LRRC53: variants seen among roughly 807,000 people sequenced by gnomAD.
The protein encoded by LRRC53 is leucine-rich repeat-containing protein 53.
A neutral mutation model predicts 13.6 loss-of-function variants in LRRC53; 25 were observed. The observed-to-expected ratio is 1.83, with a 90% CI of 1.34 to 2.56. The LOEUF is 2.56. Among genes scored for constraint, LRRC53 ranks in the 30% most tolerant of loss-of-function variants. The probability of loss-of-function intolerance (pLI) is 0.00; values close to 1 mark genes in which losing one functional copy is unlikely to be tolerated. For missense variants in LRRC53, 527 were observed against 275.8 expected (o/e 1.91, Z -6.45); for synonymous variants, 204 against 109.8 (o/e 1.86, Z -5.37).
At chr1:74,486,507 C>T (rs200577328) in intron 1 of LRRC53, among the ~76,000 whole-genome samples, 14 of 137,080 alleles carry the variant, frequency 1.0e-4, no homozygotes, top group African/African-American at 8.1e-5. Flanking sequence ...TTGTTTTTTG[C>T]TTTTTTTTTT....
At chr1:74,487,448 A>G (rs1226201591) in intron 1 of LRRC53, among the ~76,000 whole-genome samples, 1 of 152,174 alleles carries the variant, frequency 6.6e-6, no homozygotes, top group Non-Finnish European at 1.5e-5. Context: ...TCTGAATAGT[A>G]CTGACGGTCC....
intron 1 of LRRC53, among the ~76,000 whole-genome samples, chr1:74,498,845 G>A (rs1280001415): frequency 6.6e-6 from 1 of 151,982 alleles, no homozygotes; most frequent in Non-Finnish European, 1.5e-5. Context: ...CATTCCCTGT[G>A]TGTTTTTTAA....
At chr1:74,472,670 C>T (rs1187455606) in intron 4 of LRRC53, among the ~76,000 whole-genome samples, 1 of 152,028 alleles carries the variant, frequency 6.6e-6, no homozygotes, top group Non-Finnish European at 1.5e-5. Flanking sequence ...AAGGGAAATA[C>T]TTGCAATACT....
At chr1:74,473,721 T>G (rs959830134) in intron 4 of LRRC53, among the ~76,000 whole-genome samples, 1 of 152,048 alleles carries the variant, frequency 6.6e-6, no homozygotes, top group African/African-American at 2.4e-5. Flanking sequence ...TGGGTGACCT[T>G]GGAGAAGCTG....
intron 1 of LRRC53, among the ~76,000 whole-genome samples, chr1:74,489,457 T>C (rs1230083886): frequency 6.6e-6 from 1 of 152,156 alleles, no homozygotes; most frequent in African/African-American, 2.4e-5. Flanking sequence ...ATTCGAGACC[T>C]TCCAACAAAT....
the LRRC53 span, among the ~76,000 whole-genome samples, chr1:74,536,822 T>A: frequency 6.6e-6 from 1 of 152,208 alleles, no homozygotes; most frequent in South Asian, 2.1e-4. Context: ...AGCTTGCATT[T>A]ACTTTTGTTG....
the LRRC53 span, among the ~76,000 whole-genome samples, chr1:74,526,837 C>T: frequency 2.0e-5 from 3 of 152,170 alleles, no homozygotes; most frequent in Non-Finnish European, 4.4e-5. Context: ...GATTGGTAAA[C>T]TACAGCTCAT....
chr1:74,492,111 A>C, intron 1 of LRRC53: 1 of 1,607,120 alleles, frequency 6.2e-7, no homozygotes, highest in South Asian at 1.1e-5. Flanking sequence ...TGTCTCCTGC[A>C]TCAAGTAACA....
At chr1:74,505,841 T>C (rs994513579) in intron 1 of LRRC53, among the ~76,000 whole-genome samples, 17 of 152,360 alleles carry the variant, frequency 1.1e-4, no homozygotes, top group Non-Finnish European at 2.9e-5. Flanking sequence ...ATCTTCACCA[T>C]TAATATTTGT....
chr1:74,510,335 T>C (rs2100377197), intron 1 of LRRC53, among the ~76,000 whole-genome samples: 1 of 152,112 alleles, frequency 6.6e-6, no homozygotes, highest in African/African-American at 2.4e-5. Flanking sequence ...TGAAGCCCCG[T>C]CTCTACTAAA....
the LRRC53 span, among the ~76,000 whole-genome samples, chr1:74,535,492 A>T: frequency 2.0e-5 from 3 of 152,058 alleles, no homozygotes; most frequent in Admixed American, 2.0e-4. Context: ...CAAAAAAAGA[A>T]TCACAGAATG....
the LRRC53 span, among the ~76,000 whole-genome samples, chr1:74,531,197 A>G: frequency 6.6e-6 from 1 of 152,222 alleles, no homozygotes; most frequent in African/African-American, 2.4e-5. Context: ...GCCCCATTAA[A>G]TGCTTTGGCA....
chr1:74,516,229 C>T (rs1646346316), upstream of LRRC53, among the ~76,000 whole-genome samples: 1 of 152,164 alleles, frequency 6.6e-6, no homozygotes, highest in Non-Finnish European at 1.5e-5. Flanking sequence ...AAAATTTTGA[C>T]TAATGTTGAA....
At chr1:74,493,772 T>TA (rs1302824237) in intron 1 of LRRC53, among the ~76,000 whole-genome samples, 3 of 152,184 alleles carry the variant, frequency 2.0e-5, no homozygotes, top group Non-Finnish European at 4.4e-5. Context: ...AGACAAAGGC[T>TA]AGTAACTCAA....
chr1:74,508,126 A>T (rs1670000434), intron 1 of LRRC53, among the ~76,000 whole-genome samples: 1 of 152,274 alleles, frequency 6.6e-6, no homozygotes. Context: ...GCATGTGGAT[A>T]GCTTCTTGCA....
rs1361566867 is a variant in LRRC53 at position 74,470,410 on chromosome 1, G to C, written c.3212C>G (p.Thr1071Ser). The change falls in exon 5 of 5, where the codon ACT becomes AGT. Residue 1071 changes from threonine to serine, a missense_variant. Physicochemically the swap from Thr to Ser is moderately conservative, Grantham distance 58. Transcript: ENST00000294635. Reference sequence around the variant, plus strand: ...TACTATTTTTATCTCTAGTGCTTCAGTGCCGTCATTTCTGGGCAATGCATT... The same window carrying C: ...TACTATTTTTATCTCTAGTGCTTCACTGCCGTCATTTCTGGGCAATGCATT... ...STNALPRNDG[T>S]EALEIKIVGK... 2.5e-6 allele frequency: 1 copy of C among 400,512 alleles called. No homozygotes were observed. The highest frequency in any genetic ancestry group is 4.4e-6 in the Non-Finnish European group (1 of 226,184). The allele number at this position is 400,512 out of a possible 1,614,324, so 24.8% of individuals were successfully genotyped here.
At chr1:74,521,751 G>T in the LRRC53 span, among the ~76,000 whole-genome samples, 2 of 152,108 alleles carry the variant, frequency 1.3e-5, no homozygotes, top group African/African-American at 4.8e-5. Flanking sequence ...AGGGCACAGG[G>T]TCTCATAAAT....
intron 1 of LRRC53, among the ~76,000 whole-genome samples, chr1:74,494,985 GCTT>G (rs1341102181): frequency 1.3e-5 from 2 of 152,192 alleles, no homozygotes; most frequent in African/African-American, 4.8e-5. Flanking sequence ...AGGGGACAGA[GCTT>G]CTCTAGCCTT....
At chr1:74,506,807 T>G (rs1208324401) in intron 1 of LRRC53, among the ~76,000 whole-genome samples, 1 of 152,222 alleles carries the variant, frequency 6.6e-6, no homozygotes, top group East Asian at 1.9e-4. Context: ...TTTTTCCTTC[T>G]CCAAGGTTGT....
Sources: allele counts gnomAD v4.1 joint callset (sites outside exome capture counted in the v4.1 genomes callset), GRCh38; gene constraint gnomAD v4.1.1; transcripts MANE v1.5; gene names NCBI Gene and HGNC (gene_info 2026-07-23, HGNC 2026-07-21).